BORCS5: variants seen among roughly 807,000 people sequenced by gnomAD.
BORCS5 encodes the protein BLOC-1 related complex subunit 5, also known as BLOC-1-related complex subunit 5.
Under a neutral mutation model 22.1 loss-of-function variants are expected in BORCS5, and 17 were observed. The observed-to-expected ratio is 0.77, with a 90% CI of 0.53 to 1.15. BORCS5 has a LOEUF of 1.15. BORCS5 is among the 50% of genes most tolerant of loss of function. The pLI is 0.00. For missense variants in BORCS5, 247 were observed against 253.2 expected (o/e 0.98, Z 0.17); for synonymous variants, 117 against 99.8 (o/e 1.17, Z -1.03).
chr12:12,406,655 AC>A (rs1941602387), intron 2 of BORCS5, among the ~76,000 whole-genome samples: 1 of 148,560 alleles, frequency 6.7e-6, no homozygotes, highest in Admixed American at 6.7e-5. Context: ...CAAAAAAAAA[AC>A]GTGTCAGGTC....
Position 12,379,070 on chromosome 12 carries a change from T to C in BORCS5, c.202+17721T>C, listed in dbSNP as rs1863718424. Among the ~76,000 whole-genome samples, 5 of 151,334 alleles carry C rather than the reference T, an allele frequency of 3.3e-5. No homozygotes were observed. In the South Asian group the frequency reaches 8.4e-4, roughly 25 times the overall value. ...TGCACCCATCTGGAATCCTATACTT[T>C]ATGCAACTTTTCTATTTCTTTCTTT... is the stretch of plus-strand genomic sequence containing the variant. On this transcript the variant is annotated intron_variant, in intron 2 of 3. Transcript: ENST00000314565.
chr12:12,367,555 A>C (rs1391271884), intron 2 of BORCS5, among the ~76,000 whole-genome samples: 1 of 152,254 alleles, frequency 6.6e-6, no homozygotes, highest in East Asian at 1.9e-4. Flanking sequence ...TATTCAGAGA[A>C]GTGTGAGTTG....
chr12:12,423,561 T>C (rs1942198662), intron 2 of BORCS5, among the ~76,000 whole-genome samples: 1 of 151,810 alleles, frequency 6.6e-6, no homozygotes, highest in South Asian at 2.1e-4. Flanking sequence ...TTTTGTTTTT[T>C]TTTCTTTTAG....
At chr12:12,370,099 T>TACACACACACAC (rs56408181) in intron 2 of BORCS5, among the ~76,000 whole-genome samples, 1,952 of 145,360 alleles carry the variant, frequency 0.013, 38 homozygotes, top group African/African-American at 0.046. Flanking sequence ...AGTGGTTTTA[T>TACACACACACAC]ACACACACAC....
intron 2 of BORCS5, among the ~76,000 whole-genome samples, chr12:12,423,795 C>T (rs147763832): frequency 0.013 from 2,005 of 152,082 alleles, 39 homozygotes; most frequent in African/African-American, 0.046. Flanking sequence ...CTCAGATGAT[C>T]CTCCTGCCTT....
intron 3 of BORCS5, among the ~76,000 whole-genome samples, chr12:12,441,148 G>A (rs1020756899): frequency 2.6e-5 from 4 of 152,148 alleles, no homozygotes; most frequent in Non-Finnish European, 4.4e-5. Context: ...GGCACAGATC[G>A]GTCACACCCA....
chr12:12,443,480 A>G (rs527518958), intron 3 of BORCS5, among the ~76,000 whole-genome samples: 4 of 152,300 alleles, frequency 2.6e-5, no homozygotes, highest in African/African-American at 9.6e-5. Flanking sequence ...GTGGCAGGAA[A>G]TCCAGGTGGG....
chr12:12,415,554 AGAGAGGGGGAGG>A (rs1941917846), intron 2 of BORCS5, among the ~76,000 whole-genome samples: 1 of 3,642 alleles, frequency 2.7e-4, no homozygotes, highest in Non-Finnish European at 5.1e-4. Context: ...GAGACCGTGG[AGAGAGGGGGAGG>A]GGGAGGGGGA....
At chr12:12,359,169 G>A (rs1403017382) in intron 1 of BORCS5, among the ~76,000 whole-genome samples, 2 of 152,074 alleles carry the variant, frequency 1.3e-5, no homozygotes, top group Non-Finnish European at 2.9e-5. Flanking sequence ...AACCTGAATT[G>A]ATCTCCCTCT....
chr12:12,438,382 G>GAAAAAAAAAAAAAAAAAAAAAAAAAA (rs1565915767), intron 3 of BORCS5, among the ~76,000 whole-genome samples: 25 of 106,976 alleles, frequency 2.3e-4, no homozygotes, highest in African/African-American at 1.0e-3. Flanking sequence ...AAAAAAAAAC[G>GAAAAAAAAAAAAAAAAAAAAAAAAAA]AAAAACAACA....
At position 12,375,033 on chromosome 12, in the gene BORCS5, T is replaced by TAAA. The variant is rs1405341986; in HGVS notation, c.202+13684_202+13685insAAA. On this transcript the variant is annotated intron_variant, in intron 2 of 3. Coordinates refer to ENST00000314565, the MANE Select transcript of BORCS5 (RefSeq NM_058169.6). Reference sequence around the variant, plus strand: ...TTTTCTTTTCTTTTTCTTTTTCTTTTGAGCTGGAGTCTCTGTTGCCCAGGC... The same window carrying TAAA: ...TTTTCTTTTCTTTTTCTTTTTCTTTTAAAGAGCTGGAGTCTCTGTTGCCCAGGC... Among the ~76,000 whole-genome samples the TAAA allele has an allele frequency of 2.0e-5, 3 of 152,230 alleles. No homozygotes were observed. The East Asian group carries it at 5.8e-4, about 30-fold the overall frequency.
chr12:12,445,527 ACC>A (rs1942769449), intron 3 of BORCS5, among the ~76,000 whole-genome samples: 2 of 37,906 alleles, frequency 5.3e-5, no homozygotes, highest in African/African-American at 1.3e-4. Flanking sequence ...AATTTGAAAT[ACC>A]TTTTTTTTTT....
chr12:12,391,606 TCGAACTCCTGAC>T (rs1435449095), intron 2 of BORCS5, among the ~76,000 whole-genome samples: 1 of 150,564 alleles, frequency 6.6e-6, no homozygotes, highest in Non-Finnish European at 1.5e-5. Context: ...CAGGCTGGTC[TCGAACTCCTGAC>T]CTCAAATGAT....
At chr12:12,418,798 C>T (rs569078701) in intron 2 of BORCS5, among the ~76,000 whole-genome samples, 2 of 152,210 alleles carry the variant, frequency 1.3e-5, no homozygotes, top group African/African-American at 4.8e-5. Flanking sequence ...ATAGTTGGAT[C>T]AGGTTTTTAA....
At chr12:12,450,620 C>T (rs1722265402) in intron 3 of BORCS5, among the ~76,000 whole-genome samples, 1 of 152,182 alleles carries the variant, frequency 6.6e-6, no homozygotes, top group Non-Finnish European at 1.5e-5. Flanking sequence ...GCATTAAACA[C>T]ACTGCTCAAC....
rs987352156 is a variant in BORCS5, at chr12:12,469,686, G to A, written c.*3910G>A. Reference sequence around the variant, plus strand: ...ACCAGACATGTATTAAAATTCTAGTGCAATTGGGAAACTTGGTCTTCCTGA... The same window carrying A: ...ACCAGACATGTATTAAAATTCTAGTACAATTGGGAAACTTGGTCTTCCTGA... On this transcript the variant is annotated 3_prime_UTR_variant, in exon 4 of 4. Transcript: ENST00000314565. 6.6e-5 allele frequency: 10 copies of A among 152,298 alleles called. No individual in the cohort carries two copies. The highest frequency in any genetic ancestry group is 2.4e-4 in the African/African-American group (10 of 41,570). 9.4% of individuals were successfully genotyped at this position (152,298 alleles called of 1,614,324 possible).
At chr12:12,394,887 C>T (rs915974705) in intron 2 of BORCS5, among the ~76,000 whole-genome samples, 1 of 152,054 alleles carries the variant, frequency 6.6e-6, no homozygotes, top group African/African-American at 2.4e-5. Context: ...ATATTAACAT[C>T]ATCCACATAT....
intron 2 of BORCS5, among the ~76,000 whole-genome samples, chr12:12,415,773 T>C (rs1941930740): frequency 6.6e-6 from 1 of 152,040 alleles, no homozygotes; most frequent in Non-Finnish European, 1.5e-5. Context: ...GTAAGGTAAA[T>C]TGGTCTACAG....
At chr12:12,460,144 G>A (rs1211131182) in intron 3 of BORCS5, among the ~76,000 whole-genome samples, 2 of 152,212 alleles carry the variant, frequency 1.3e-5, no homozygotes, top group East Asian at 3.8e-4. Flanking sequence ...GACAATCCAT[G>A]AACATGATAT....
Sources: allele counts gnomAD v4.1 joint callset (sites outside exome capture counted in the v4.1 genomes callset), GRCh38; gene constraint gnomAD v4.1.1; transcripts MANE v1.5; gene names NCBI Gene and HGNC (gene_info 2026-07-23, HGNC 2026-07-21).